Variants in NIPAL2 observed in about 807,000 individuals in gnomAD.
NIPAL2 encodes NIPA-like protein 2.
NIPAL2 carries 43 observed loss-of-function variants against 48.9 expected under a neutral mutation model. The ratio of observed to expected loss-of-function variants is 0.88; its 90% CI spans 0.69 to 1.13. NIPAL2 has a LOEUF of 1.13. NIPAL2 is among the 50% of genes most tolerant of loss of function. The probability of loss-of-function intolerance (pLI) is 0.00; values close to 1 mark genes in which losing one functional copy is unlikely to be tolerated. For missense variants in NIPAL2, 446 were observed against 461.4 expected (o/e 0.97, Z 0.31); for synonymous variants, 167 against 174.6 (o/e 0.96, Z 0.34).
At chr8:98,250,161 C>A (rs964463536) in intron 3 of NIPAL2, among the ~76,000 whole-genome samples, 1 of 152,088 alleles carries the variant, frequency 6.6e-6, no homozygotes, top group African/African-American at 2.4e-5. Flanking sequence ...GAAGAAAAAT[C>A]AGAAAAGAAT....
intron 1 of NIPAL2, among the ~76,000 whole-genome samples, chr8:98,291,896 C>T (rs1382659673): frequency 6.6e-6 from 1 of 152,208 alleles, no homozygotes; most frequent in East Asian, 1.9e-4. Flanking sequence ...ACACCTTTGT[C>T]TTAGACAACA....
intron 5 of NIPAL2, among the ~76,000 whole-genome samples, chr8:98,219,618 T>A (rs1269556060): frequency 6.6e-6 from 1 of 152,190 alleles, no homozygotes; most frequent in African/African-American, 2.4e-5. Flanking sequence ...GCCCCCTTCC[T>A]GTTGGGAATG....
intron 3 of NIPAL2, among the ~76,000 whole-genome samples, chr8:98,245,576 CT>C (rs977243694): frequency 7.9e-5 from 12 of 152,182 alleles, no homozygotes; most frequent in Non-Finnish European, 1.8e-4. Flanking sequence ...ATAATCCTTT[CT>C]TTTCTACATT....
At position 98,213,558 on chromosome 8, in the gene NIPAL2, C is replaced by T. The variant is rs574748292; in HGVS notation, c.559-1057G>A. Among the ~76,000 whole-genome samples the T allele has an allele frequency of 1.4e-3, 219 of 152,300 alleles. 1 individual carries two copies. Among genetic ancestry groups the T allele is most frequent in the Admixed American group, 2.7e-3 (41 of 15,298 alleles). ...CCTGGACCTAATTTTGTACCACTCACTCCTGGATGGTCCACTCTGTGCCAG... is the reference window on the plus strand; with the variant it reads ...CCTGGACCTAATTTTGTACCACTCATTCCTGGATGGTCCACTCTGTGCCAG... On this transcript the variant is annotated intron_variant, in intron 5 of 10. Transcript: ENST00000430223.
At chr8:98,211,442 T>C (rs1811311134) in intron 6 of NIPAL2, among the ~76,000 whole-genome samples, 1 of 152,178 alleles carries the variant, frequency 6.6e-6, no homozygotes, top group Non-Finnish European at 1.5e-5. Context: ...GTACATCTGT[T>C]TCTATAAGTA....
intron 1 of NIPAL2, among the ~76,000 whole-genome samples, chr8:98,282,704 T>C (rs957297507): frequency 2.0e-5 from 3 of 151,984 alleles, no homozygotes; most frequent in Admixed American, 2.0e-4. Flanking sequence ...AAAGAAACAA[T>C]ATTCATAGCA....
At chr8:98,269,688 T>A (rs1815007163) in intron 1 of NIPAL2, among the ~76,000 whole-genome samples, 1 of 152,180 alleles carries the variant, frequency 6.6e-6, no homozygotes, top group South Asian at 2.1e-4. Context: ...CTTTATTTAT[T>A]TATTTCCATT....
intron 3 of NIPAL2, among the ~76,000 whole-genome samples, chr8:98,241,685 TAC>T (rs1278015024): frequency 6.6e-6 from 1 of 152,222 alleles, no homozygotes; most frequent in Admixed American, 6.5e-5. Context: ...TATGGAAAAT[TAC>T]ACAGTGATAT....
chr8:98,233,666 G>C (rs1048200776), intron 4 of NIPAL2, among the ~76,000 whole-genome samples: 1 of 152,162 alleles, frequency 6.6e-6, no homozygotes, highest in Non-Finnish European at 1.5e-5. Flanking sequence ...CTGGTTTATT[G>C]CTTCTGGTAA....
At chr8:98,193,807 A>AG (rs1810413194) in intron 10 of NIPAL2, among the ~76,000 whole-genome samples, 1 of 151,974 alleles carries the variant, frequency 6.6e-6, no homozygotes, top group South Asian at 2.1e-4. Context: ...CATCTCAAAA[A>AG]AAAAAAAAAA....
chr8:98,225,666 C>G (rs1812138185), intron 4 of NIPAL2, among the ~76,000 whole-genome samples: 1 of 36,686 alleles, frequency 2.7e-5, no homozygotes, highest in Admixed American at 3.1e-4. Flanking sequence ...GATTAAATGC[C>G]TCGGGGTAGC....
At chr8:98,245,659 A>G (rs1329037202) in intron 3 of NIPAL2, among the ~76,000 whole-genome samples, 1 of 152,244 alleles carries the variant, frequency 6.6e-6, no homozygotes, top group African/African-American at 2.4e-5. Context: ...TGACTAGATT[A>G]ATTCTGTATT....
intron 3 of NIPAL2, among the ~76,000 whole-genome samples, chr8:98,237,257 G>T (rs1416811266): frequency 2.0e-5 from 3 of 151,826 alleles, no homozygotes; most frequent in Non-Finnish European, 4.4e-5. Flanking sequence ...TCACTATGTT[G>T]CCCAGGCTGG....
intron 1 of NIPAL2, among the ~76,000 whole-genome samples, chr8:98,254,768 T>A (rs1014910231): frequency 1.3e-5 from 2 of 152,256 alleles, no homozygotes; most frequent in Non-Finnish European, 2.9e-5. Flanking sequence ...TTACTTTTAA[T>A]GTGCTTCCTC....
At chr8:98,238,047 C>T (rs563067479) in intron 3 of NIPAL2, among the ~76,000 whole-genome samples, 20 of 152,264 alleles carry the variant, frequency 1.3e-4, no homozygotes, top group African/African-American at 4.8e-4. Flanking sequence ...TGTTCTCTTT[C>T]CCATTAGTGA....
At chr8:98,215,183 C>G (rs887828435) in intron 5 of NIPAL2, among the ~76,000 whole-genome samples, 1 of 152,140 alleles carries the variant, frequency 6.6e-6, no homozygotes, top group Non-Finnish European at 1.5e-5. Flanking sequence ...TTCTAGAAAC[C>G]ATGTATGACT....
intron 4 of NIPAL2, among the ~76,000 whole-genome samples, chr8:98,232,418 A>G (rs1026786618): frequency 6.6e-6 from 1 of 152,214 alleles, no homozygotes; most frequent in Non-Finnish European, 1.5e-5. Flanking sequence ...GTTTGCAAAA[A>G]TGTCCTAATC....
intron 3 of NIPAL2, among the ~76,000 whole-genome samples, chr8:98,238,028 C>G (rs1220130021): frequency 6.6e-6 from 1 of 152,116 alleles, no homozygotes; most frequent in Non-Finnish European, 1.5e-5. Context: ...GGGATCTCAG[C>G]CTTGCAGTTG....
chr8:98,197,649 T>A (rs1810611202), intron 8 of NIPAL2, among the ~76,000 whole-genome samples: 1 of 152,240 alleles, frequency 6.6e-6, no homozygotes, highest in Admixed American at 6.5e-5. Context: ...ATATTCTAAA[T>A]CCTTTGTTTT....
Sources: gnomAD v4.1 joint callset for allele counts (sites outside exome capture counted in the v4.1 genomes callset) on GRCh38, gnomAD v4.1.1 for gene constraint, MANE v1.5 for transcripts, NCBI Gene and HGNC (gene_info 2026-07-23, HGNC 2026-07-21) for gene names.